Variants in RGS9 observed in about 807,000 individuals in gnomAD.
RGS9 encodes regulator of G-protein signalling 9.
In RGS9, 78 loss-of-function variants were observed where a neutral mutation model predicts 102.0. The ratio of observed to expected loss-of-function variants is 0.76; its 90% CI spans 0.64 to 0.92. The LOEUF (loss-of-function observed/expected upper bound fraction) is 0.92, where lower values mean the gene tolerates loss of function less well. RGS9 is among the 40% of genes least tolerant of loss of function. The pLI is 0.00. For missense variants in RGS9, 833 were observed against 866.1 expected (o/e 0.96, Z 0.48); for synonymous variants, 353 against 318.6 (o/e 1.11, Z -1.15).
chr17:65,200,459 T>C (rs191775698), intron 13 of RGS9, among the ~76,000 whole-genome samples: 1 of 152,382 alleles, frequency 6.6e-6, no homozygotes, highest in African/African-American at 2.4e-5. Flanking sequence ...TAATTGCTTA[T>C]TTAATTTTAC....
chr17:65,191,089 A>G (rs1269933148), intron 11 of RGS9, among the ~76,000 whole-genome samples: 1 of 152,116 alleles, frequency 6.6e-6, no homozygotes, highest in Non-Finnish European at 1.5e-5. Context: ...CCCCACACAC[A>G]TTTCAGTGAC....
intron 7 of RGS9, 132 bp downstream of exon 7, chr17:65,163,221 C>A (rs1455713954): frequency 2.5e-6 from 1 of 407,718 alleles, no homozygotes; most frequent in Non-Finnish European, 4.3e-6. Context: ...GTCGCCCAGC[C>A]TGGAGTGCAG....
intron 6 of RGS9, among the ~76,000 whole-genome samples, chr17:65,162,652 G>C (rs1911029301): frequency 6.7e-6 from 1 of 149,074 alleles, no homozygotes; most frequent in Non-Finnish European, 1.5e-5. Context: ...TTTTTTTTTA[G>C]TAGAGACAGG....
intron 7 of RGS9, among the ~76,000 whole-genome samples, chr17:65,164,620 G>A (rs1911104818): frequency 6.6e-6 from 1 of 152,128 alleles, no homozygotes; most frequent in African/African-American, 2.4e-5. Flanking sequence ...GTTTATGGGA[G>A]AGCTGGTCCG....
Position 65,137,395 on chromosome 17 carries a change from G to A in RGS9, c.-146G>A. On this transcript the variant is annotated 5_prime_UTR_variant, in exon 1 of 19. Transcript: ENST00000262406. Reference sequence around the variant, plus strand: ...AGTCAGCGGCGCCTAGTGAGAGTCAGGGGGGCCCGGCCCGCGCCCTCCCCG... The same window carrying A: ...AGTCAGCGGCGCCTAGTGAGAGTCAAGGGGGCCCGGCCCGCGCCCTCCCCG... The A allele has an allele frequency of 1.3e-6, 1 of 760,156 alleles. No homozygotes were observed. The highest frequency in any genetic ancestry group is 2.3e-6 in the Non-Finnish European group (1 of 439,466). The allele number at this position is 760,156 out of a possible 1,614,324, so 47.1% of individuals were successfully genotyped here. A position where few individuals can be genotyped will look rare whatever the true frequency, so the allele number is the denominator to read the frequency against.
At position 65,168,168 on chromosome 17, in the gene RGS9, C is replaced by T. The variant is rs370875548; in HGVS notation, c.501-32C>T. The T allele has an allele frequency of 1.3e-5, 20 of 1,509,344 alleles. No homozygotes were observed. The African/African-American group carries it at 2.2e-4, about 17-fold the overall frequency. 93.5% of individuals were successfully genotyped at this position (1,509,344 alleles called of 1,614,324 possible). A position where few individuals can be genotyped will look rare whatever the true frequency, so the allele number is the denominator to read the frequency against. ...CACTAATCAAAAGACACAAAGTCTT[C>T]CTGGCCTTACACGTGGCTTTTGGCT... On this transcript the variant is annotated intron_variant, in intron 7 of 18. Coordinates refer to ENST00000262406, the MANE Select transcript of RGS9 (RefSeq NM_003835.4).
chr17:65,190,215 A>C lies in RGS9; in HGVS notation c.725A>C (p.Lys242Thr). 6.2e-7 allele frequency: 1 copy of C among 1,613,826 alleles called. No individual in the cohort carries two copies. The highest frequency in any genetic ancestry group is 2.2e-5 in the East Asian group (1 of 44,888). ...YQQALMRSTV[K>T]SSVSLGGIVK... ...CAGGCCTTGATGAGGTCCACAGTGA[A>C]GTCTTCTGTGTCCCTGGGAGGGTAT... Residue 242 changes from lysine (K) to threonine (T), a missense_variant, in exon 11 of 19, where the codon AAG becomes ACG. Physicochemically the swap from Lys to Thr is moderately conservative, Grantham distance 78. Coordinates refer to ENST00000262406, the MANE Select transcript of RGS9 (RefSeq NM_003835.4).
chr17:65,189,243 T>C, intron 9 of RGS9, 43 bp from the exon 10 acceptor site: 1 of 1,567,050 alleles, frequency 6.4e-7, no homozygotes, highest in Non-Finnish European at 8.8e-7. Flanking sequence ...ACTGTAATGA[T>C]TTCATGACAT....
At chr17:65,203,247 G>A (rs950444104) in intron 14 of RGS9, among the ~76,000 whole-genome samples, 2 of 152,182 alleles carry the variant, frequency 1.3e-5, no homozygotes, top group Non-Finnish European at 2.9e-5. Flanking sequence ...CTCCCACAGG[G>A]AGGGGATCCA....
At chr17:65,162,906 G>T in intron 6 of RGS9, 107 bp from the exon 7 acceptor site, 1 of 705,560 alleles carries the variant, frequency 1.4e-6, no homozygotes, top group East Asian at 2.8e-5. Context: ...TGGGTCCATG[G>T]TTGCCATGAG....
chr17:65,216,158 A>G (rs1455975625), intron 17 of RGS9, among the ~76,000 whole-genome samples: 1 of 152,238 alleles, frequency 6.6e-6, no homozygotes, highest in Non-Finnish European at 1.5e-5. Context: ...TCATAATACT[A>G]TAATACTATA....
intron 17 of RGS9, among the ~76,000 whole-genome samples, chr17:65,213,510 G>T (rs1400945588): frequency 6.6e-6 from 1 of 150,518 alleles, no homozygotes; most frequent in Non-Finnish European, 1.5e-5. Context: ...TGGTGAGGGT[G>T]GTGGTGAGCA....
intron 1 of RGS9, among the ~76,000 whole-genome samples, chr17:65,150,874 A>C (rs1211897258): frequency 6.6e-6 from 1 of 152,204 alleles, no homozygotes; most frequent in East Asian, 1.9e-4. Flanking sequence ...CATCTGGGGC[A>C]GGGGGAGTGG....
At chr17:65,223,752 C>CTTTTTTTTTTTTTTTTTTT (rs528795738) in intron 17 of RGS9, among the ~76,000 whole-genome samples, 1 of 137,592 alleles carries the variant, frequency 7.3e-6, no homozygotes, top group Non-Finnish European at 1.6e-5. Context: ...TCATGCCAGG[C>CTTTTTTTTTTTTTTTTTTT]TTTTTTTTTT....
chr17:65,155,089 G>A (rs1910720140), intron 2 of RGS9, among the ~76,000 whole-genome samples: 1 of 152,224 alleles, frequency 6.6e-6, no homozygotes, highest in Non-Finnish European at 1.5e-5. Flanking sequence ...CTATAGAGCA[G>A]CTCATGGAGG....
chr17:65,217,719 G>C (rs1272078025), intron 17 of RGS9, among the ~76,000 whole-genome samples: 6 of 152,078 alleles, frequency 3.9e-5, no homozygotes, highest in Admixed American at 1.3e-4. Flanking sequence ...GATGATCCTG[G>C]GGAGGTGGGG....
intron 1 of RGS9, among the ~76,000 whole-genome samples, chr17:65,147,411 T>C (rs1910405963): frequency 6.6e-6 from 1 of 151,846 alleles, no homozygotes; most frequent in Admixed American, 6.6e-5. Context: ...AAATAGGGAA[T>C]CTCACCCCTC....
At chr17:65,190,935 T>C (rs1912342142) in intron 11 of RGS9, among the ~76,000 whole-genome samples, 1 of 152,238 alleles carries the variant, frequency 6.6e-6, no homozygotes, top group Non-Finnish European at 1.5e-5. Flanking sequence ...ACTCAAGTCA[T>C]GGTACTAATC....
At position 65,160,556 on chromosome 17, in the gene RGS9, C is replaced by T. The variant is rs753463384; in HGVS notation, c.333C>T (p.Thr111=). ...TGCAGACACCGTATTTCTGGCCCACCCAGCAGTGGCCAGCTGAAGATACCG... is the reference window on the plus strand; with the variant it reads ...TGCAGACACCGTATTTCTGGCCCACTCAGCAGTGGCCAGCTGAAGATACCG... The part of the protein sequence containing the change: ...YRFQTPYFWP[T]QQWPAEDTDY... Residue 111 remains threonine (T), a synonymous_variant, in exon 5 of 19, where the codon ACC becomes ACT. Transcript: ENST00000262406. The T allele has an allele frequency of 4.3e-6, 7 of 1,614,208 alleles. No homozygotes were observed. Among genetic ancestry groups the T allele is most frequent in the African/African-American group, 1.3e-5 (1 of 75,040 alleles).
Sources: allele counts gnomAD v4.1 joint callset (sites outside exome capture counted in the v4.1 genomes callset), GRCh38; gene constraint gnomAD v4.1.1; transcripts MANE v1.5; gene names NCBI Gene and HGNC (gene_info 2026-07-23, HGNC 2026-07-21).